SLMAP: variants seen among roughly 807,000 people sequenced by gnomAD.
SLMAP encodes the protein sarcolemma associated protein.
In SLMAP, 44 loss-of-function variants were observed where a neutral mutation model predicts 128.8. The observed-to-expected ratio is 0.34, with a 90% CI of 0.27 to 0.44. The LOEUF (loss-of-function observed/expected upper bound fraction) is 0.44. Among genes scored for constraint, SLMAP ranks in the 20% least tolerant of loss-of-function variants. SLMAP has a pLI of 1.00. For missense variants in SLMAP, 787 were observed against 985.3 expected, an observed-to-expected ratio of 0.80 and a Z score of 2.69; for synonymous variants, 327 against 348.8, an observed-to-expected ratio of 0.94 and a Z score of 0.70.
At chr3:57,849,042 C>T (rs995185944) in intron 5 of SLMAP, among the ~76,000 whole-genome samples, 1 of 150,664 alleles carries the variant, frequency 6.6e-6, no homozygotes, top group African/African-American at 2.4e-5. Context: ...GAGTTTCGCT[C>T]TGTCGTCCAG....
rs1316892997 is a variant in SLMAP, at chr3:57,868,438, T to A, written c.1237+3146T>A. Among the ~76,000 whole-genome samples the A allele has an allele frequency of 4.0e-5, 6 of 150,470 alleles. No homozygotes were observed. In the East Asian group the frequency reaches 7.9e-4, roughly 20 times the overall value. ...AAAAAGAAAAAAAAAATTTTTTTTT[T>A]AAATTAGTGAGGTGTGGTGGCATGT... is the stretch of plus-strand genomic sequence containing the variant. On this transcript the variant is annotated intron_variant, in intron 13 of 24. Coordinates refer to ENST00000671191, the MANE Select transcript of SLMAP (RefSeq NM_001377540.1).
At chr3:57,864,760 T>G in intron 11 of SLMAP, 44 bp downstream of exon 11, 2 of 1,569,620 alleles carry the variant, frequency 1.3e-6, no homozygotes, top group Non-Finnish European at 1.7e-6. Flanking sequence ...ATTTTTTTTC[T>G]TGTTATCTGT....
chr3:57,778,756 G>T (rs2082420395), intron 2 of SLMAP, among the ~76,000 whole-genome samples: 1 of 151,164 alleles, frequency 6.6e-6, no homozygotes, highest in African/African-American at 2.4e-5. Context: ...TAAAATTTGT[G>T]GTAGAGATAG....
At chr3:57,885,507 C>A (rs1261653013) in intron 14 of SLMAP, among the ~76,000 whole-genome samples, 9 of 148,722 alleles carry the variant, frequency 6.1e-5, no homozygotes, top group Non-Finnish European at 1.2e-4. Flanking sequence ...ACAACCTCCA[C>A]CACCCGGGTT....
chr3:57,884,242 C>T (rs1485773821), intron 14 of SLMAP, among the ~76,000 whole-genome samples: 3 of 152,096 alleles, frequency 2.0e-5, no homozygotes, highest in South Asian at 2.1e-4. Context: ...ACTTTGTATT[C>T]TTGTCCATGC....
chr3:57,828,731 G>T (rs367988194), intron 2 of SLMAP, among the ~76,000 whole-genome samples: 20 of 152,284 alleles, frequency 1.3e-4, no homozygotes, highest in East Asian at 1.2e-3. Context: ...GCTTTGGACG[G>T]TAATATAGAC....
At chr3:57,776,367 GTGTGGA>G (rs2081929924) in intron 2 of SLMAP, among the ~76,000 whole-genome samples, 1 of 152,066 alleles carries the variant, frequency 6.6e-6, no homozygotes, top group Non-Finnish European at 1.5e-5. Flanking sequence ...GCTGTTTTAA[GTGTGGA>G]TATGTTTTGG....
intron 8 of SLMAP, 80 bp from the exon 9 acceptor site, chr3:57,860,619 C>A: frequency 9.3e-7 from 1 of 1,079,788 alleles, no homozygotes; most frequent in Non-Finnish European, 1.3e-6. Context: ...TAAAGTATAT[C>A]ATAATGTGTT....
rs370475448 is a variant in SLMAP at position 57,927,325 on chromosome 3, T to G, written c.*36T>G. Reference sequence around the variant, plus strand: ...CCTGGCCCTGGATGCCCATGTTGGCTGCCCTGGTTGCAGTAACAGCCATCG... The same window carrying G: ...CCTGGCCCTGGATGCCCATGTTGGCGGCCCTGGTTGCAGTAACAGCCATCG... On this transcript the variant is annotated 3_prime_UTR_variant, in exon 25 of 25. Transcript: ENST00000671191. 1.2e-6 allele frequency: 2 copies of G among 1,607,746 alleles called. No individual in the cohort carries two copies. The highest frequency in any genetic ancestry group is 1.3e-5 in the African/African-American group (1 of 74,974).
chr3:57,892,831 C>CT (rs34608762), intron 15 of SLMAP, among the ~76,000 whole-genome samples: 2,387 of 85,612 alleles, frequency 0.028, 66 homozygotes, highest in Non-Finnish European at 0.041. Context: ...AACTTGCTTT[C>CT]TTTTTTTTTT....
chr3:57,841,242 G>T, intron 3 of SLMAP, 57 bp from the exon 4 acceptor site: 1 of 1,049,710 alleles, frequency 9.5e-7, no homozygotes, highest in Admixed American at 2.2e-5. Flanking sequence ...TGAGAGGTGT[G>T]AAGTTTTATA....
At chr3:57,904,212 T>C (rs1280074236) in intron 17 of SLMAP, among the ~76,000 whole-genome samples, 1 of 152,142 alleles carries the variant, frequency 6.6e-6, no homozygotes, top group African/African-American at 2.4e-5. Context: ...TCAAACACTA[T>C]AGAGTTCAAG....
Position 57,927,828 on chromosome 3 carries a change from A to G in SLMAP, c.*539A>G, listed in dbSNP as rs536151977. ...GAGAGGCCCTGTGTGCTCAGTGCCT[A>G]TCAGTTTGAAATATATACACATATA... is the stretch of plus-strand genomic sequence containing the variant. On this transcript the variant is annotated 3_prime_UTR_variant, in exon 25 of 25. Transcript: ENST00000671191. 1 of 152,834 alleles carries G rather than the reference A, an allele frequency of 6.5e-6. No individual in the cohort carries two copies. Among genetic ancestry groups the G allele is most frequent in the African/African-American group, 2.4e-5 (1 of 41,562 alleles). 9.5% of individuals were successfully genotyped at this position (152,834 alleles called of 1,614,324 possible). A position where few individuals can be genotyped will look rare whatever the true frequency, so the allele number is the denominator to read the frequency against.
intron 13 of SLMAP, among the ~76,000 whole-genome samples, chr3:57,871,096 G>A (rs991598897): frequency 5.3e-5 from 8 of 152,130 alleles, no homozygotes; most frequent in African/African-American, 1.9e-4. Flanking sequence ...ACAATTTAAT[G>A]TTTTAATACT....
At chr3:57,922,826 AG>A in intron 22 of SLMAP, 62 bp from the exon 23 acceptor site, 1 of 1,497,350 alleles carries the variant, frequency 6.7e-7, no homozygotes, top group African/African-American at 1.4e-5. Context: ...AAACCTGATT[AG>A]AACCATAACA....
intron 2 of SLMAP, among the ~76,000 whole-genome samples, chr3:57,769,079 TG>T (rs1427365405): frequency 1.3e-5 from 2 of 152,212 alleles, no homozygotes; most frequent in African/African-American, 4.8e-5. Flanking sequence ...AGTTTCTTTT[TG>T]GGATGATGAA....
At chr3:57,759,222 C>T (rs866096475) in intron 2 of SLMAP, among the ~76,000 whole-genome samples, 2 of 151,940 alleles carry the variant, frequency 1.3e-5, no homozygotes, top group African/African-American at 2.4e-5. Flanking sequence ...ACCCTTCACT[C>T]GCTCCTCGCA....
intron 16 of SLMAP, 124 bp downstream of exon 16, chr3:57,896,715 G>C (rs2096252630): frequency 3.2e-6 from 4 of 1,255,090 alleles, no homozygotes; most frequent in Non-Finnish European, 3.3e-6. Context: ...CATTTATCAA[G>C]TCATCCCCTT....
Position 57,909,200 on chromosome 3 carries a change from T to A in SLMAP, c.1699+50T>A, listed in dbSNP as rs1240281642. On this transcript the variant is annotated intron_variant, in intron 19 of 24. Transcript: ENST00000671191. ...GAGATTGTTATTGTGTGTTTGTTTTTAGTGATTCAAAAGGAATGGAGGCCA... is the reference window on the plus strand; with the variant it reads ...GAGATTGTTATTGTGTGTTTGTTTTAAGTGATTCAAAAGGAATGGAGGCCA... The A allele has an allele frequency of 2.9e-6, 4 of 1,395,954 alleles. No homozygotes were observed. In the East Asian group the frequency reaches 9.3e-5, roughly 32 times the overall value. 86.5% of individuals were successfully genotyped at this position (1,395,954 alleles called of 1,614,324 possible).
Sources: gnomAD v4.1 joint callset for allele counts (sites outside exome capture counted in the v4.1 genomes callset) on GRCh38, gnomAD v4.1.1 for gene constraint, MANE v1.5 for transcripts, NCBI Gene and HGNC (gene_info 2026-07-23, HGNC 2026-07-21) for gene names.